The following PPARG variants were observed in gnomAD, a reference collection of about 807,000 sequenced individuals.
The protein encoded by PPARG is peroxisome proliferator-activated receptor gamma.
PPARG carries 17 observed loss-of-function variants against 39.2 expected under a neutral mutation model. The ratio of observed to expected loss-of-function variants is 0.43; its 90% CI spans 0.30 to 0.65. The LOEUF (loss-of-function observed/expected upper bound fraction) is 0.65, where lower values mean the gene tolerates loss of function less well. Ranked by LOEUF, PPARG falls within the 30% of genes least tolerant of loss-of-function variation. The probability of loss-of-function intolerance (pLI) is 0.13; values close to 1 mark genes in which losing one functional copy is unlikely to be tolerated. For synonymous variants in PPARG, 223 were observed against 215.7 expected (o/e 1.03, Z -0.30); for missense variants, 406 against 585.9 (o/e 0.69, Z 3.17).
rs761619383 is a variant in PPARG at position 12,433,947 on chromosome 3, C to T, written c.1230C>T (p.Asn410=). 1.9e-6 allele frequency: 3 copies of T among 1,614,208 alleles called. No individual in the cohort carries two copies. The highest frequency in any genetic ancestry group is 2.5e-6 in the Non-Finnish European group (3 of 1,180,022). The change falls in exon 8 of 8, where the codon AAC becomes AAT. Residue 410 remains asparagine (N), a synonymous_variant. Transcript: ENST00000651735. ...NVKPIEDIQD[N]LLQALELQLK... is the part of the protein sequence containing the mutation. Reference sequence around the variant, plus strand: ...AGCCCATTGAAGACATTCAAGACAACCTGCTACAAGCCCTGGAGCTCCAGC... The same window carrying T: ...AGCCCATTGAAGACATTCAAGACAATCTGCTACAAGCCCTGGAGCTCCAGC...
chr3:12,325,062 G>A (rs1206295636), intron 2 of PPARG, among the ~76,000 whole-genome samples: 6 of 152,110 alleles, frequency 3.9e-5, no homozygotes, highest in African/African-American at 9.7e-5. Context: ...TGAGGCGGGC[G>A]GATCACTTGA....
At chr3:12,335,657 T>C (rs1237769597) in intron 2 of PPARG, among the ~76,000 whole-genome samples, 1 of 152,200 alleles carries the variant, frequency 6.6e-6, no homozygotes, top group Non-Finnish European at 1.5e-5. Context: ...GCAAAAACTT[T>C]GCAATTCTCA....
chr3:12,421,099 A>G (rs1053837653), intron 7 of PPARG, among the ~76,000 whole-genome samples: 1 of 152,148 alleles, frequency 6.6e-6, no homozygotes, highest in African/African-American at 2.4e-5. Context: ...AACTTAAGTG[A>G]TTTGTCTGAG....
chr3:12,418,501 G>C (rs1456430393), intron 7 of PPARG, among the ~76,000 whole-genome samples: 1 of 152,142 alleles, frequency 6.6e-6, no homozygotes, highest in African/African-American at 2.4e-5. Flanking sequence ...ATCTTTTGTT[G>C]TCCAGTTGAA....
At chr3:12,287,521 G>A (rs2046526499), upstream of PPARG, 1 of 152,166 alleles carries the variant, frequency 6.6e-6, no homozygotes, top group Non-Finnish European at 1.5e-5. Flanking sequence ...CCGTGTGAAG[G>A]GCAAGCCACT....
intron 2 of PPARG, among the ~76,000 whole-genome samples, chr3:12,352,100 C>T (rs952878759): frequency 6.6e-6 from 1 of 152,130 alleles, no homozygotes; most frequent in African/African-American, 2.4e-5. Flanking sequence ...TTTTATTCCT[C>T]TTGAAGTACT....
At chr3:12,399,984 TAA>T (rs79659234) in intron 5 of PPARG, among the ~76,000 whole-genome samples, 17 of 137,622 alleles carry the variant, frequency 1.2e-4, no homozygotes, top group Admixed American at 2.2e-4. Flanking sequence ...ACCCTGTCTC[TAA>T]AAAAAAAAAA....
chr3:12,333,891 CT>C (rs1258156020), intron 2 of PPARG, among the ~76,000 whole-genome samples: 21 of 152,330 alleles, frequency 1.4e-4, no homozygotes, highest in Middle Eastern at 3.4e-3. Context: ...CCCCCATCTT[CT>C]GTGAAGCCAT....
intron 2 of PPARG, among the ~76,000 whole-genome samples, chr3:12,366,141 T>A (rs942382948): frequency 1.3e-5 from 2 of 152,118 alleles, no homozygotes; most frequent in African/African-American, 2.4e-5. Context: ...ACTTAAGTAT[T>A]TTACTTTTCG....
At chr3:12,338,760 G>A (rs1029583794) in intron 2 of PPARG, among the ~76,000 whole-genome samples, 16 of 152,020 alleles carry the variant, frequency 1.1e-4, no homozygotes, top group Non-Finnish European at 2.4e-4. Flanking sequence ...ACTGGATCTA[G>A]TTTGAACTTC....
At chr3:12,322,186 C>T (rs1216363168) in intron 2 of PPARG, among the ~76,000 whole-genome samples, 6 of 152,274 alleles carry the variant, frequency 3.9e-5, no homozygotes, top group Admixed American at 1.3e-4. Context: ...TTTTAATTTA[C>T]GGATGAGGAA....
chr3:12,376,395 C>T (rs1218181936), intron 2 of PPARG, among the ~76,000 whole-genome samples: 1 of 151,758 alleles, frequency 6.6e-6, no homozygotes. Context: ...AATAAAATTG[C>T]TCCAAAAAAA....
intron 1 of PPARG, among the ~76,000 whole-genome samples, chr3:12,293,022 AGCCGT>A (rs2046687429): frequency 6.6e-6 from 1 of 152,140 alleles, no homozygotes. Context: ...GGGAGTGGGG[AGCCGT>A]GTTATCTTCC....
In PPARG at chr3:12,304,992, A is replaced by G. The variant is rs113689940; in HGVS notation, c.-82-7388A>G. Among the ~76,000 whole-genome samples, 262 of 152,200 alleles carry G rather than the reference A, an allele frequency of 1.7e-3. 1 individual carries two copies. Among genetic ancestry groups the G allele is most frequent in the African/African-American group, 6.1e-3 (254 of 41,520 alleles). The stretch of plus-strand genomic sequence containing the variant: ...TGCCTCTGACTAATTGGAATGTCTG[A>G]GCCTTTCTTGTCTTCTATCTTCTTT... On this transcript the variant is annotated intron_variant, in intron 1 of 7. Coordinates refer to ENST00000651735, the MANE Select transcript of PPARG (RefSeq NM_138711.6).
intron 2 of PPARG, among the ~76,000 whole-genome samples, chr3:12,358,150 T>C (rs2048726262): frequency 6.6e-6 from 1 of 152,230 alleles, no homozygotes; most frequent in African/African-American, 2.4e-5. Context: ...GTAGCATTCA[T>C]TGAATATCAT....
intron 1 of PPARG, among the ~76,000 whole-genome samples, chr3:12,310,791 TAAA>T (rs761238501): frequency 0.028 from 1,394 of 50,206 alleles, 38 homozygotes; most frequent in African/African-American, 0.1. Flanking sequence ...GCCTTAAATG[TAAA>T]AAAAAAAAAA....
intron 1 of PPARG, among the ~76,000 whole-genome samples, chr3:12,302,875 A>G (rs1381276491): frequency 6.6e-6 from 1 of 152,130 alleles, no homozygotes; most frequent in African/African-American, 2.4e-5. Context: ...AAATCCGGAC[A>G]TACCATGAGG....
At chr3:12,419,638 T>C (rs1015771899) in intron 7 of PPARG, among the ~76,000 whole-genome samples, 17 of 152,044 alleles carry the variant, frequency 1.1e-4, no homozygotes, top group African/African-American at 3.9e-4. Flanking sequence ...CCAGCTAATT[T>C]TTGCATTTTT....
intron 5 of PPARG, among the ~76,000 whole-genome samples, chr3:12,404,520 C>T (rs1474063814): frequency 2.0e-5 from 3 of 152,168 alleles, no homozygotes; most frequent in Admixed American, 6.5e-5. Flanking sequence ...ATAACTATCT[C>T]TGGCTGGGCA....
Sources: gnomAD v4.1 joint callset for allele counts (sites outside exome capture counted in the v4.1 genomes callset) on GRCh38, gnomAD v4.1.1 for gene constraint, MANE v1.5 for transcripts, NCBI Gene and HGNC (gene_info 2026-07-23, HGNC 2026-07-21) for gene names.